The following ABCG2 variants were observed in gnomAD, a reference collection of about 807,000 sequenced individuals.
The protein encoded by ABCG2 is broad substrate specificity ATP-binding cassette transporter ABCG2.
A neutral mutation model predicts 73.5 loss-of-function variants in ABCG2; 80 were observed. That is an observed-to-expected ratio of 1.09 (90% CI 0.91 to 1.31). The LOEUF (loss-of-function observed/expected upper bound fraction) is 1.31, where lower values mean the gene tolerates loss of function less well. ABCG2 is among the 50% of genes most tolerant of loss of function. The pLI is 0.00. For missense variants in ABCG2, 796 were observed against 786.2 expected, an observed-to-expected ratio of 1.01 and a Z score of -0.15; for synonymous variants, 269 against 282.4, an observed-to-expected ratio of 0.95 and a Z score of 0.48.
At chr4:88,221,567 G>A (rs1730013313) in intron 1 of ABCG2, among the ~76,000 whole-genome samples, 1 of 152,174 alleles carries the variant, frequency 6.6e-6, no homozygotes, top group Admixed American at 6.5e-5. Flanking sequence ...TTTTTAAATG[G>A]TTTTGACCAA....
At chr4:88,192,519 A>G (rs1728730193) in intron 1 of ABCG2, among the ~76,000 whole-genome samples, 2 of 151,740 alleles carry the variant, frequency 1.3e-5, no homozygotes, top group Admixed American at 1.3e-4. Context: ...TTCCAGGTTC[A>G]AGTGATTCTC....
chr4:88,144,923 C>T (rs6857600), intron 1 of ABCG2, among the ~76,000 whole-genome samples: 41,837 of 151,462 alleles, frequency 0.28, 6,756 homozygotes, highest in African/African-American at 0.45. Flanking sequence ...GCTCAAATTG[C>T]GCAACTCAAA....
chr4:88,143,409 A>T (rs1057099300), intron 1 of ABCG2, among the ~76,000 whole-genome samples: 2 of 152,210 alleles, frequency 1.3e-5, no homozygotes, highest in Non-Finnish European at 2.9e-5. Flanking sequence ...AGAGTATCAA[A>T]TAACTTATTG....
chr4:88,118,309 T>A, intron 6 of ABCG2, 49 bp from the exon 7 acceptor site: 2 of 1,582,966 alleles, frequency 1.3e-6, no homozygotes, highest in South Asian at 1.1e-5. Context: ...CTGAAACTTG[T>A]ATTTCTCAGT....
intron 1 of ABCG2, among the ~76,000 whole-genome samples, chr4:88,199,985 A>G (rs1560752625): frequency 6.6e-6 from 1 of 152,012 alleles, no homozygotes; most frequent in Non-Finnish European, 1.5e-5. Flanking sequence ...TGGGCGACAG[A>G]GCGAGACTCC....
At position 88,130,629 on chromosome 4, in the gene ABCG2, C is replaced by A. The variant is rs375722885; in HGVS notation, c.531+432G>T. Among the ~76,000 whole-genome samples the A allele has an allele frequency of 4.1e-4, 63 of 152,172 alleles. 2 individuals are homozygous for A. In the South Asian group the frequency reaches 0.012, roughly 29 times the overall value. On this transcript the variant is annotated intron_variant, in intron 5 of 15. Transcript: ENST00000237612. ...GGGACTGCTGATACAGAGCAAGAAT[C>A]CTTGGACTCTCATCACTTATCAATC...
chr4:88,107,676 C>T (rs1377370523), intron 9 of ABCG2, among the ~76,000 whole-genome samples: 1 of 152,290 alleles, frequency 6.6e-6, no homozygotes, highest in South Asian at 2.1e-4. Context: ...GAACTCTCAA[C>T]CTTTGTGCCA....
chr4:88,177,664 C>G (rs1238848234), intron 1 of ABCG2, among the ~76,000 whole-genome samples: 3 of 152,206 alleles, frequency 2.0e-5, no homozygotes, highest in African/African-American at 7.2e-5. Context: ...GAAAGCAACA[C>G]TGAAGAAGGT....
intron 1 of ABCG2, among the ~76,000 whole-genome samples, chr4:88,181,138 AC>A (rs1728217768): frequency 6.6e-6 from 1 of 152,078 alleles, no homozygotes; most frequent in Non-Finnish European, 1.5e-5. Context: ...GCGGTGGCTC[AC>A]GCCTGTAATC....
chr4:88,211,368 C>CCA (rs1560460557), intron 1 of ABCG2, among the ~76,000 whole-genome samples: 2 of 129,426 alleles, frequency 1.5e-5, no homozygotes, highest in Non-Finnish European at 3.4e-5. Flanking sequence ...GCCCCACCCC[C>CCA]CCCCACTTTT....
intron 7 of ABCG2, among the ~76,000 whole-genome samples, chr4:88,116,145 T>G (rs900672082): frequency 6.6e-6 from 1 of 152,156 alleles, no homozygotes; most frequent in Admixed American, 6.5e-5. Context: ...CAGTGAGCTC[T>G]GAAAGCACCA....
intron 1 of ABCG2, among the ~76,000 whole-genome samples, chr4:88,214,461 A>G (rs1446508582): frequency 6.6e-6 from 1 of 152,144 alleles, no homozygotes; most frequent in African/African-American, 2.4e-5. Flanking sequence ...AATTGTTTTA[A>G]GCCTTTAAGT....
intron 1 of ABCG2, among the ~76,000 whole-genome samples, chr4:88,211,869 C>T (rs1212572648): frequency 7.9e-5 from 12 of 152,188 alleles, no homozygotes; most frequent in Admixed American, 7.9e-4. Context: ...GAAAGTCTTT[C>T]TCAAGCCTCT....
chr4:88,167,370 CTTTTTTTTTTT>C (rs551648302), intron 1 of ABCG2, among the ~76,000 whole-genome samples: 1 of 101,446 alleles, frequency 9.9e-6, no homozygotes, highest in African/African-American at 4.0e-5. Context: ...TCCCTTCTGC[CTTTTTTTTTTT>C]TTTTTTTTTT....
chr4:88,184,434 A>G (rs1490400832), intron 1 of ABCG2, among the ~76,000 whole-genome samples: 1 of 152,198 alleles, frequency 6.6e-6, no homozygotes, highest in Non-Finnish European at 1.5e-5. Context: ...AAAAATCAAG[A>G]AAGTAATCCC....
chr4:88,214,671 G>A (rs1729739917), intron 1 of ABCG2, among the ~76,000 whole-genome samples: 2 of 151,954 alleles, frequency 1.3e-5, no homozygotes, highest in East Asian at 2.0e-4. Context: ...ACCAGCTTGG[G>A]CAACAAAGAT....
intron 1 of ABCG2, among the ~76,000 whole-genome samples, chr4:88,180,641 A>C (rs545577614): frequency 2.0e-5 from 3 of 152,234 alleles, no homozygotes; most frequent in Non-Finnish European, 4.4e-5. Flanking sequence ...GCAGCTAGCT[A>C]CTCAGGAGGC....
At chr4:88,094,682 G>C (rs1348582095) in intron 14 of ABCG2, 23 bp from the exon 15 acceptor site, 1 of 1,584,414 alleles carries the variant, frequency 6.3e-7, no homozygotes, top group South Asian at 1.1e-5. Flanking sequence ...TGGGAGCAGG[G>C]CAAGGTAAAC....
chr4:88,229,409 T>C (rs1319706661), intron 1 of ABCG2, among the ~76,000 whole-genome samples: 1 of 152,124 alleles, frequency 6.6e-6, no homozygotes, highest in East Asian at 1.9e-4. Context: ...GAGGCCGAGA[T>C]GGGAGGATCG....
Sources: allele counts gnomAD v4.1 joint callset (sites outside exome capture counted in the v4.1 genomes callset), GRCh38; gene constraint gnomAD v4.1.1; transcripts MANE v1.5; gene names NCBI Gene and HGNC (gene_info 2026-07-23, HGNC 2026-07-21).